The following PRKCA variants were observed in gnomAD, a reference collection of about 807,000 sequenced individuals.
PRKCA encodes the protein protein kinase C alpha type.
In PRKCA, 27 loss-of-function variants were observed where a neutral mutation model predicts 87.0. That is an observed-to-expected ratio of 0.31 (90% confidence interval 0.23 to 0.43). The LOEUF (loss-of-function observed/expected upper bound fraction) is 0.43, where lower values mean the gene tolerates loss of function less well. Ranked by LOEUF, PRKCA falls within the 20% of genes least tolerant of loss-of-function variation. The pLI, the probability that PRKCA is intolerant of heterozygous loss-of-function variation, is 1.00. For synonymous variants in PRKCA, 329 were observed against 311.1 expected (o/e 1.06, Z -0.61); for missense variants, 518 against 852.3 (o/e 0.61, Z 4.88).
chr17:66,489,510 G>A (rs1916139550), intron 2 of PRKCA, among the ~76,000 whole-genome samples: 1 of 151,484 alleles, frequency 6.6e-6, no homozygotes, highest in African/African-American at 2.4e-5. Context: ...AGCCAAGCCT[G>A]CAGCCTGAGG....
intron 2 of PRKCA, among the ~76,000 whole-genome samples, chr17:66,424,727 G>A (rs1344687820): frequency 1.3e-5 from 2 of 152,062 alleles, no homozygotes; most frequent in African/African-American, 4.8e-5. Flanking sequence ...TGCATTGATA[G>A]GTTTCTGTGC....
chr17:66,422,250 C>G (rs1407508718), intron 2 of PRKCA, among the ~76,000 whole-genome samples: 1 of 152,056 alleles, frequency 6.6e-6, no homozygotes, highest in Non-Finnish European at 1.5e-5. Flanking sequence ...TGAGGGGAGA[C>G]TAACATGAAT....
intron 2 of PRKCA, among the ~76,000 whole-genome samples, chr17:66,353,977 C>T (rs971198033): frequency 6.6e-6 from 1 of 152,108 alleles, no homozygotes; most frequent in African/African-American, 2.4e-5. Context: ...TTTTATGCTA[C>T]TTTGCTGGCA....
At chr17:66,441,193 A>G (rs1022563140) in intron 2 of PRKCA, among the ~76,000 whole-genome samples, 3 of 149,346 alleles carry the variant, frequency 2.0e-5, no homozygotes, top group African/African-American at 7.4e-5. Flanking sequence ...AAAAAAGTAA[A>G]TTAGCTAGGC....
chr17:66,448,793 T>C (rs193238146), intron 2 of PRKCA, among the ~76,000 whole-genome samples: 6 of 152,126 alleles, frequency 3.9e-5, no homozygotes, highest in Admixed American at 2.6e-4. Flanking sequence ...CAAAATGTGC[T>C]TTAGATAAGT....
intron 2 of PRKCA, among the ~76,000 whole-genome samples, chr17:66,347,960 T>TTTTTTTTTA (rs1907503291): frequency 6.9e-6 from 1 of 143,970 alleles, no homozygotes; most frequent in African/African-American, 2.6e-5. Flanking sequence ...TTTTTTTTTT[T>TTTTTTTTTA]GAGACAAAGT....
intron 3 of PRKCA, among the ~76,000 whole-genome samples, chr17:66,628,823 T>C (rs1970928861): frequency 6.6e-6 from 1 of 151,988 alleles, no homozygotes; most frequent in South Asian, 2.1e-4. Context: ...AGGTCAGGAG[T>C]TCGAGACCAG....
intron 2 of PRKCA, among the ~76,000 whole-genome samples, chr17:66,435,800 AAG>A (rs1913359099): frequency 6.6e-6 from 1 of 152,114 alleles, no homozygotes; most frequent in African/African-American, 2.4e-5. Flanking sequence ...AAAAAATGTG[AAG>A]AGAGGTTTCC....
intron 3 of PRKCA, among the ~76,000 whole-genome samples, chr17:66,637,049 C>T (rs1026878367): frequency 6.6e-6 from 1 of 152,150 alleles, no homozygotes; most frequent in Non-Finnish European, 1.5e-5. Flanking sequence ...TGCTGGTTCT[C>T]CAGACTTAGG....
intron 3 of PRKCA, among the ~76,000 whole-genome samples, chr17:66,579,042 G>A (rs1482851034): frequency 3.3e-5 from 5 of 152,226 alleles, no homozygotes; most frequent in Admixed American, 6.5e-5. Flanking sequence ...CCCTGCATCT[G>A]TGGTGGCTGC....
intron 8 of PRKCA, among the ~76,000 whole-genome samples, chr17:66,724,505 C>A (rs1822988144): frequency 6.6e-6 from 1 of 152,202 alleles, no homozygotes; most frequent in South Asian, 2.1e-4. Flanking sequence ...TGGGACACAT[C>A]AGCAGGAGCG....
chr17:66,307,614 G>C (rs1368796460), intron 2 of PRKCA, among the ~76,000 whole-genome samples: 1 of 152,108 alleles, frequency 6.6e-6, no homozygotes, highest in Admixed American at 6.5e-5. Context: ...AGGTTGATTA[G>C]AATAAGGTTG....
At chr17:66,679,954 A>G (rs906806897) in intron 5 of PRKCA, among the ~76,000 whole-genome samples, 6 of 152,222 alleles carry the variant, frequency 3.9e-5, no homozygotes, top group African/African-American at 1.2e-4. Flanking sequence ...AAATTAATTT[A>G]TGGATCTAAA....
chr17:66,342,293 A>G lies in PRKCA; in HGVS notation c.205+36166A>G, dbSNP rs546364416. On this transcript the variant is annotated intron_variant, in intron 2 of 16. Coordinates refer to ENST00000413366, the MANE Select transcript of PRKCA (RefSeq NM_002737.3). The stretch of plus-strand genomic sequence containing the variant: ...AAAAATCAGGTGGACGTGGTGGCGC[A>G]TGCCTGTCATCCCAGCTACTCAGGA... 2.4e-3 allele frequency among the ~76,000 whole-genome samples: 368 copies of G among 152,120 alleles called. 4 individuals are homozygous for G. Among genetic ancestry groups the G allele is most frequent in the Non-Finnish European group, 1.4e-3 (94 of 67,974 alleles).
intron 13 of PRKCA, among the ~76,000 whole-genome samples, chr17:66,757,121 G>A (rs1471765703): frequency 6.6e-6 from 1 of 152,018 alleles, no homozygotes; most frequent in Non-Finnish European, 1.5e-5. Context: ...AATGAAGAAT[G>A]CCTTTGATGG....
At chr17:66,363,623 G>A (rs60863092) in intron 2 of PRKCA, among the ~76,000 whole-genome samples, 14,141 of 152,282 alleles carry the variant, frequency 0.093, 752 homozygotes, top group African/African-American at 0.13. Context: ...ACAATTAAGG[G>A]GCATCTTCCA....
At chr17:66,703,890 A>G (rs1350989099) in intron 8 of PRKCA, 1 of 152,206 alleles carries the variant, frequency 6.6e-6, no homozygotes, top group Non-Finnish European at 1.5e-5. Context: ...TTTATTATCG[A>G]CTGTGATGTA....
chr17:66,534,471 T>C (rs1441687692), intron 3 of PRKCA, among the ~76,000 whole-genome samples: 2 of 151,994 alleles, frequency 1.3e-5, no homozygotes, highest in Non-Finnish European at 2.9e-5. Context: ...ATCAAGACCA[T>C]CCTGGCTAAC....
chr17:66,778,320 T>C, intron 14 of PRKCA: 1 of 676,558 alleles, frequency 1.5e-6, no homozygotes, highest in Non-Finnish European at 1.8e-6. Context: ...GAGACCATCC[T>C]GGCTAACACA....
Sources: gnomAD v4.1 joint callset for allele counts (sites outside exome capture counted in the v4.1 genomes callset) on GRCh38, gnomAD v4.1.1 for gene constraint, MANE v1.5 for transcripts, NCBI Gene and HGNC (gene_info 2026-07-23, HGNC 2026-07-21) for gene names.